PIWIL2: variants seen among roughly 807,000 people sequenced by gnomAD.
PIWIL2 encodes piwi-like protein 2.
PIWIL2 carries 81 observed loss-of-function variants against 116.5 expected under a neutral mutation model. The ratio of observed to expected loss-of-function variants is 0.70; its 90% CI spans 0.58 to 0.84. PIWIL2 has a LOEUF of 0.84. Ranked by LOEUF, PIWIL2 falls within the 40% of genes least tolerant of loss-of-function variation. The pLI, the probability that PIWIL2 is intolerant of heterozygous loss-of-function variation, is 0.00. For missense variants in PIWIL2, 1,272 were observed against 1,212.3 expected, an observed-to-expected ratio of 1.05 and a Z score of -0.73; for synonymous variants, 489 against 429.5, an observed-to-expected ratio of 1.14 and a Z score of -1.71.
intron 20 of PIWIL2, among the ~76,000 whole-genome samples, chr8:22,347,456 A>G (rs941372982): frequency 8.9e-5 from 13 of 146,452 alleles, no homozygotes; most frequent in Non-Finnish European, 1.8e-4. Flanking sequence ...TGACCTTGTG[A>G]TCTGCTCGCC....
intron 10 of PIWIL2, among the ~76,000 whole-genome samples, chr8:22,302,991 C>T (rs1180951339): frequency 6.6e-6 from 1 of 152,202 alleles, no homozygotes; most frequent in Non-Finnish European, 1.5e-5. Flanking sequence ...GCCATGGGTT[C>T]CCATCCCTAC....
Position 22,281,607 on chromosome 8 carries a change from T to C in PIWIL2, c.425+92T>C, listed in dbSNP as rs1171481656. Reference sequence around the variant, plus strand: ...CAACTCTAAGAAGAGTTGTGTCATCTCATAATCAATGTCTGGTTTTATATT... The same window carrying C: ...CAACTCTAAGAAGAGTTGTGTCATCCCATAATCAATGTCTGGTTTTATATT... On this transcript the variant is annotated intron_variant, in intron 4 of 22. Coordinates refer to ENST00000356766, the MANE Select transcript of PIWIL2 (RefSeq NM_018068.5). 7.6e-6 allele frequency: 8 copies of C among 1,046,030 alleles called. No homozygotes were observed. In the African/African-American group the frequency reaches 8.2e-5, roughly 11 times the overall value. 64.8% of individuals were successfully genotyped at this position (1,046,030 alleles called of 1,614,324 possible).
At position 22,308,046 on chromosome 8, in the gene PIWIL2, G is replaced by T. The variant is rs200017216; in HGVS notation, c.1659G>T (p.Gly553=). ...EAATNELMRW[G]LRLQKDVHKI... is the part of the protein sequence containing the mutation. The stretch of plus-strand genomic sequence containing the variant: ...CCACCAATGAACTGATGCGTTGGGG[G>T]CTCCGTCTGCAAAAGGATGTACATA... The change falls in exon 14 of 23, where the codon GGG becomes GGT. Residue 553 remains glycine (G), a synonymous_variant. Coordinates refer to ENST00000356766, the MANE Select transcript of PIWIL2 (RefSeq NM_018068.5). 5.0e-6 allele frequency: 8 copies of T among 1,613,904 alleles called. No homozygotes were observed. In the East Asian group the frequency reaches 1.8e-4, roughly 36 times the overall value.
At chr8:22,300,554 G>T (rs186817076) in intron 10 of PIWIL2, among the ~76,000 whole-genome samples, 72 of 152,312 alleles carry the variant, frequency 4.7e-4, no homozygotes, top group Admixed American at 2.6e-3. Flanking sequence ...CATATGGTAG[G>T]TGTGTGTTTA....
chr8:22,347,516 C>CT lies in PIWIL2; in HGVS notation c.2404-5419dup, dbSNP rs1218303089. On this transcript the variant is annotated intron_variant, in intron 20 of 22. Coordinates refer to ENST00000356766, the MANE Select transcript of PIWIL2 (RefSeq NM_018068.5). ...ACAGGCGTGAGCCACTGTGCCTGGCCTTTTTTTTTTTTTTTTTTTTTTTTA... is the reference window on the plus strand; with the variant it reads ...ACAGGCGTGAGCCACTGTGCCTGGCCTTTTTTTTTTTTTTTTTTTTTTTTTA... 7.7e-3 allele frequency among the ~76,000 whole-genome samples: 763 copies of CT among 98,486 alleles called. 26 individuals are homozygous for CT. Among genetic ancestry groups the CT allele is most frequent in the African/African-American group, 0.014 (398 of 27,568 alleles). The allele number at this position is 98,486 out of a possible 152,430, so 64.6% of individuals were successfully genotyped here. A position where few individuals can be genotyped will look rare whatever the true frequency, so the allele number is the denominator to read the frequency against.
intron 20 of PIWIL2, among the ~76,000 whole-genome samples, chr8:22,341,595 CAAA>C (rs34495366): frequency 5.0e-5 from 5 of 99,478 alleles, no homozygotes; most frequent in Non-Finnish European, 5.7e-5. Flanking sequence ...AACTCCGTCT[CAAA>C]AAAAAAAAAA....
intron 20 of PIWIL2, among the ~76,000 whole-genome samples, chr8:22,349,113 A>G (rs1832294682): frequency 6.7e-6 from 1 of 149,700 alleles, no homozygotes; most frequent in Admixed American, 6.7e-5. Flanking sequence ...CAGAGGCACA[A>G]ACTCTGCTCA....
At position 22,357,329 on chromosome 8, in the gene PIWIL2, C is replaced by T. The variant is rs1463893624; in HGVS notation, c.*1824C>T. On this transcript the variant is annotated 3_prime_UTR_variant, in exon 23 of 23. Transcript: ENST00000356766. ...AAACCACAGAATCAAACACTGTGAACCACTGGTCTCTGGCTAAGCAGATCA... is the reference window on the plus strand; with the variant it reads ...AAACCACAGAATCAAACACTGTGAATCACTGGTCTCTGGCTAAGCAGATCA... The T allele has an allele frequency of 6.6e-6, 1 of 152,152 alleles. No individual in the cohort carries two copies. The highest frequency in any genetic ancestry group is 2.4e-5 in the African/African-American group (1 of 41,424). The allele number at this position is 152,152 out of a possible 1,614,324, so 9.4% of individuals were successfully genotyped here.
chr8:22,275,720 G>A (rs1228594876), intron 1 of PIWIL2: 1 of 152,544 alleles, frequency 6.6e-6, no homozygotes, highest in African/African-American at 2.4e-5. Context: ...CTTTTCTCGG[G>A]GTGGAAAGGG....
intron 17 of PIWIL2, among the ~76,000 whole-genome samples, 193 bp downstream of exon 17, chr8:22,314,622 G>A (rs1373460576): frequency 6.6e-6 from 1 of 152,202 alleles, no homozygotes; most frequent in African/African-American, 2.4e-5. Context: ...CTGCCCTCAT[G>A]CTTCCAAATG....
At chr8:22,338,272 A>AC (rs1053720550) in intron 20 of PIWIL2, among the ~76,000 whole-genome samples, 4 of 152,276 alleles carry the variant, frequency 2.6e-5, no homozygotes, top group African/African-American at 9.6e-5. Flanking sequence ...GACAACACAA[A>AC]CCTGCCAGAA....
At chr8:22,320,257 G>C (rs1040667241) in intron 20 of PIWIL2, among the ~76,000 whole-genome samples, 1 of 129,962 alleles carries the variant, frequency 7.7e-6, no homozygotes, top group Non-Finnish European at 1.6e-5. Context: ...TGCTGCGCCC[G>C]GCTTTTTTTT....
At chr8:22,304,933 C>G in intron 12 of PIWIL2, 65 bp downstream of exon 12, 1 of 1,091,206 alleles carries the variant, frequency 9.2e-7, no homozygotes, top group South Asian at 1.3e-5. Context: ...TGCTTTTAGC[C>G]GTCCTCATGG....
Position 22,284,182 on chromosome 8 carries a change from G to A in PIWIL2, c.653G>A (p.Gly218Glu), listed in dbSNP as rs1373409657. ...TCTAGAGAGCTTATTGTGAAGCAAG[G>A]ATCAAAAGGAACACCTCAGTCTTTG... Reference protein sequence around the residue: ...HKEKELIVKQGSKGTPQSLGL... With the variant: ...HKEKELIVKQESKGTPQSLGL... The change falls in exon 6 of 23, where the codon GGA becomes GAA. Residue 218 changes from glycine to glutamate, a missense_variant. Gly to Glu is a moderately conservative substitution (Grantham distance 98, BLOSUM62 -2). Coordinates refer to ENST00000356766, the MANE Select transcript of PIWIL2 (RefSeq NM_018068.5). 6.3e-7 allele frequency: 1 copy of A among 1,592,300 alleles called. No homozygotes were observed. Among genetic ancestry groups the A allele is most frequent in the African/African-American group, 1.4e-5 (1 of 73,900 alleles).
At chr8:22,284,816 CT>C (rs1830594945) in intron 6 of PIWIL2, among the ~76,000 whole-genome samples, 1 of 152,018 alleles carries the variant, frequency 6.6e-6, no homozygotes, top group African/African-American at 2.4e-5. Flanking sequence ...GGATTTATTA[CT>C]ATTTAAAAAT....
At chr8:22,331,865 T>G (rs1831869950) in intron 20 of PIWIL2, among the ~76,000 whole-genome samples, 1 of 152,048 alleles carries the variant, frequency 6.6e-6, no homozygotes, top group Non-Finnish European at 1.5e-5. Flanking sequence ...CTTAAGTACC[T>G]CTTTTAAGAT....
At chr8:22,288,389 T>C (rs1156838107) in intron 7 of PIWIL2, among the ~76,000 whole-genome samples, 153 bp from the exon 8 acceptor site, 1 of 152,182 alleles carries the variant, frequency 6.6e-6, no homozygotes, top group Non-Finnish European at 1.5e-5. Context: ...CATGCTGTGC[T>C]TTTGCTAGTG....
chr8:22,316,253 A>G lies in PIWIL2; in HGVS notation c.2217A>G (p.Leu739=), dbSNP rs1831455520. The change falls in exon 19 of 23, where the codon TTA becomes TTG. Residue 739 remains leucine, a synonymous_variant. Transcript: ENST00000356766. ...LWGVDIPLKQ[L]MVIGMDVYHD... ...TTTGTTTTCTAAACTAGAAACAGTTAATGGTGATCGGGATGGATGTTTACC... is the reference window on the plus strand; with the variant it reads ...TTTGTTTTCTAAACTAGAAACAGTTGATGGTGATCGGGATGGATGTTTACC... The G allele has an allele frequency of 1.9e-6, 3 of 1,609,916 alleles. No homozygotes were observed. The Admixed American group carries it at 5.0e-5, about 27-fold the overall frequency.
At chr8:22,346,339 C>T (rs1219804179) in intron 20 of PIWIL2, among the ~76,000 whole-genome samples, 1 of 152,188 alleles carries the variant, frequency 6.6e-6, no homozygotes, top group African/African-American at 2.4e-5. Flanking sequence ...TTTTTAGTTC[C>T]CGTGGTGGAA....
Sources: allele counts gnomAD v4.1 joint callset (sites outside exome capture counted in the v4.1 genomes callset), GRCh38; gene constraint gnomAD v4.1.1; transcripts MANE v1.5; gene names NCBI Gene and HGNC (gene_info 2026-07-23, HGNC 2026-07-21).